The following LOC128706665 variants were observed in gnomAD, a reference collection of about 807,000 sequenced individuals.
chr20:10,414,574 G>A, the LOC128706665 span, among the ~76,000 whole-genome samples: 1 of 152,086 alleles, frequency 6.6e-6, no homozygotes, highest in African/African-American at 2.4e-5. Flanking sequence ...AAGTCTCTGA[G>A]TCTTAAAAGA....
the LOC128706665 span, among the ~76,000 whole-genome samples, chr20:10,419,118 C>T: frequency 6.6e-6 from 1 of 152,066 alleles, no homozygotes; most frequent in African/African-American, 2.4e-5. Context: ...CAGACCAAGG[C>T]TTATAAATAA....
the LOC128706665 span, chr20:10,420,489 G>A: frequency 6.6e-6 from 1 of 152,204 alleles, no homozygotes; most frequent in African/African-American, 2.4e-5. Flanking sequence ...TTGTTGGAAT[G>A]TGCCATATGA....
At chr20:10,414,484 C>T in the LOC128706665 span, among the ~76,000 whole-genome samples, 16 of 151,946 alleles carry the variant, frequency 1.1e-4, no homozygotes, top group Admixed American at 8.5e-4. Flanking sequence ...AGGTTGGTCT[C>T]GAACTCCTGA....
the LOC128706665 span, among the ~76,000 whole-genome samples, chr20:10,430,946 G>A: frequency 2.6e-5 from 4 of 152,166 alleles, no homozygotes; most frequent in Non-Finnish European, 5.9e-5. Context: ...ATTGAGTAAT[G>A]GCGAGAATCA....
the LOC128706665 span, among the ~76,000 whole-genome samples, chr20:10,416,642 T>C: frequency 1.3e-5 from 2 of 152,238 alleles, no homozygotes; most frequent in Non-Finnish European, 2.9e-5. Context: ...CTTGCTTTCC[T>C]TGTATAAATG....
chr20:10,431,038 G>A, the LOC128706665 span, among the ~76,000 whole-genome samples: 6 of 152,092 alleles, frequency 3.9e-5, no homozygotes, highest in Non-Finnish European at 8.8e-5. Flanking sequence ...CTGAAATAGG[G>A]GGCCACATTA....
the LOC128706665 span, among the ~76,000 whole-genome samples, chr20:10,425,091 GTTCTT>G: frequency 6.6e-6 from 1 of 151,402 alleles, no homozygotes; most frequent in Admixed American, 6.6e-5. Flanking sequence ...TAGCATTACT[GTTCTT>G]TTCTAATAAA....
chr20:10,420,895 T>G, the LOC128706665 span: 71 of 152,312 alleles, frequency 4.7e-4, no homozygotes, highest in Non-Finnish European at 8.4e-4. Flanking sequence ...TTATAATACA[T>G]TGCAATGTTA....
chr20:10,420,597 T>C, the LOC128706665 span: 8 of 152,208 alleles, frequency 5.3e-5, no homozygotes, highest in African/African-American at 1.9e-4. Flanking sequence ...CCAGACTATC[T>C]TGCTCAGGAA....
the LOC128706665 span, among the ~76,000 whole-genome samples, chr20:10,422,294 C>G: frequency 6.6e-6 from 1 of 151,942 alleles, no homozygotes; most frequent in Admixed American, 6.5e-5. Flanking sequence ...TGGCCTTTTC[C>G]TTTTCTAACG....
the LOC128706665 span, among the ~76,000 whole-genome samples, chr20:10,426,128 T>C: frequency 6.6e-6 from 1 of 152,238 alleles, no homozygotes; most frequent in Non-Finnish European, 1.5e-5. Flanking sequence ...CATAGCAACT[T>C]TATGAGATCA....
the LOC128706665 span, among the ~76,000 whole-genome samples, chr20:10,420,983 T>G: frequency 6.6e-6 from 1 of 152,214 alleles, no homozygotes; most frequent in Non-Finnish European, 1.5e-5. Flanking sequence ...CAATACTGAC[T>G]TTTTGGCAAC....
At chr20:10,418,066 T>C in the LOC128706665 span, among the ~76,000 whole-genome samples, 3 of 152,328 alleles carry the variant, frequency 2.0e-5, no homozygotes, top group East Asian at 5.8e-4. Flanking sequence ...GCCTTGGGTA[T>C]CAAATTGTAG....
At chr20:10,430,474 G>GA in the LOC128706665 span, among the ~76,000 whole-genome samples, 7 of 151,856 alleles carry the variant, frequency 4.6e-5, no homozygotes, top group African/African-American at 7.3e-5. Context: ...ATGTCAAAAA[G>GA]AAAAAAAACA....
At chr20:10,420,452 C>G in the LOC128706665 span, 1 of 152,278 alleles carries the variant, frequency 6.6e-6, no homozygotes, top group East Asian at 1.9e-4. Context: ...TTTTCCTTGC[C>G]AGAGATCTAA....
chr20:10,426,534 A>C, the LOC128706665 span, among the ~76,000 whole-genome samples: 2 of 152,066 alleles, frequency 1.3e-5, no homozygotes, highest in Non-Finnish European at 2.9e-5. Flanking sequence ...CAGGTAGCTG[A>C]GATTACAGGC....
At chr20:10,418,688 C>G in the LOC128706665 span, among the ~76,000 whole-genome samples, 2 of 152,082 alleles carry the variant, frequency 1.3e-5, no homozygotes, top group African/African-American at 4.8e-5. Flanking sequence ...AAGAGTATTT[C>G]TTTTTGCATG....
At chr20:10,417,616 T>C in the LOC128706665 span, among the ~76,000 whole-genome samples, 3 of 152,086 alleles carry the variant, frequency 2.0e-5, no homozygotes, top group African/African-American at 7.2e-5. Flanking sequence ...GCCCAAGAGT[T>C]TGAGGCTGCA....
chr20:10,420,441 C>T, the LOC128706665 span: 1 of 152,156 alleles, frequency 6.6e-6, no homozygotes, highest in African/African-American at 2.4e-5. Flanking sequence ...CCAATTTAGG[C>T]TTTTCCTTGC....
Sources: gnomAD v4.1 joint callset for allele counts (sites outside exome capture counted in the v4.1 genomes callset) on GRCh38, gnomAD v4.1.1 for gene constraint, MANE v1.5 for transcripts.